Variants in EPB41L2 observed in about 807,000 individuals in gnomAD.
The protein encoded by EPB41L2 is erythrocyte membrane protein band 4.1 like 2.
Under a neutral mutation model 113.0 loss-of-function variants are expected in EPB41L2, and 43 were observed. That is an observed-to-expected ratio of 0.38 (90% CI 0.30 to 0.49). The LOEUF is 0.49. Among genes scored for constraint, EPB41L2 ranks in the 20% least tolerant of loss-of-function variants. EPB41L2 has a pLI of 0.95. For missense variants in EPB41L2, 1,147 were observed against 1,223.4 expected (o/e 0.94, Z 0.93); for synonymous variants, 442 against 436.7 (o/e 1.01, Z -0.15).
intron 3 of EPB41L2, among the ~76,000 whole-genome samples, chr6:130,954,259 T>TA: frequency 6.6e-6 from 1 of 151,830 alleles, no homozygotes; most frequent in Admixed American, 6.6e-5. Flanking sequence ...TTCACCATGT[T>TA]AGCCAGGATG....
At position 130,870,213 on chromosome 6, in the gene EPB41L2, A is replaced by G; in HGVS notation, c.2044-87T>C. 7 of 1,531,110 alleles carry G rather than the reference A, an allele frequency of 4.6e-6. 1 individual carries two copies. In the South Asian group the frequency reaches 4.8e-5, roughly 11 times the overall value. 94.8% of individuals were successfully genotyped at this position (1,531,110 alleles called of 1,614,324 possible). On this transcript the variant is annotated intron_variant, in intron 14 of 19. Coordinates refer to ENST00000337057, the MANE Select transcript of EPB41L2 (RefSeq NM_001431.4). The stretch of plus-strand genomic sequence containing the variant: ...ACCCAAATTAACCGATGGCAGATTC[A>G]TGTCATGGAGAAAAACAAAGATGAT...
chr6:130,921,572 C>T (rs968691433), intron 4 of EPB41L2, among the ~76,000 whole-genome samples: 9 of 152,172 alleles, frequency 5.9e-5, no homozygotes, highest in South Asian at 4.1e-4. Context: ...CATGCTGGAA[C>T]GATTACTTTT....
At chr6:130,986,439 G>GA (rs199890054) in intron 1 of EPB41L2, among the ~76,000 whole-genome samples, 2,679 of 145,418 alleles carry the variant, frequency 0.018, 26 homozygotes, top group African/African-American at 0.028. Flanking sequence ...ATTTAAAAAA[G>GA]AAAAAAAAAA....
At chr6:130,944,368 T>C (rs567730005) in intron 3 of EPB41L2, among the ~76,000 whole-genome samples, 9 of 152,302 alleles carry the variant, frequency 5.9e-5, no homozygotes, top group Non-Finnish European at 1.3e-4. Flanking sequence ...ATGAGAAGTA[T>C]TTTAGGCAAA....
Position 130,916,230 on chromosome 6 carries a change from G to C in EPB41L2, c.811-7367C>G, listed in dbSNP as rs187022948. On this transcript the variant is annotated intron_variant, in intron 4 of 19. Coordinates refer to ENST00000337057, the MANE Select transcript of EPB41L2 (RefSeq NM_001431.4). ...AAACTAAGCAGCACAGTGAATAGCT[G>C]TACTTATATGTATTTTACACTAAAA... Among the ~76,000 whole-genome samples, 335 of 152,186 alleles carry C rather than the reference G, an allele frequency of 2.2e-3. 1 individual carries two copies. Among genetic ancestry groups the C allele is most frequent in the Non-Finnish European group, 3.9e-3 (266 of 67,998 alleles).
chr6:131,006,739 T>C (rs1785644600), intron 1 of EPB41L2, among the ~76,000 whole-genome samples: 2 of 152,016 alleles, frequency 1.3e-5, no homozygotes, highest in South Asian at 2.1e-4. Flanking sequence ...ATGCTGGTCA[T>C]GACTCTCTAA....
chr6:130,994,236 G>A (rs1456025455), intron 1 of EPB41L2, among the ~76,000 whole-genome samples: 1 of 152,134 alleles, frequency 6.6e-6, no homozygotes, highest in Non-Finnish European at 1.5e-5. Flanking sequence ...GAGCTGTAAC[G>A]TAGTGCATGA....
chr6:130,979,185 C>T (rs1385361417), intron 1 of EPB41L2, among the ~76,000 whole-genome samples: 1 of 152,056 alleles, frequency 6.6e-6, no homozygotes, highest in Non-Finnish European at 1.5e-5. Context: ...CCAACTGACA[C>T]AATGAAAGGA....
intron 15 of EPB41L2, chr6:130,868,116 G>C (rs1053632558): frequency 6.4e-6 from 1 of 157,288 alleles, no homozygotes; most frequent in African/African-American, 2.4e-5. Context: ...TAGTTTGTGT[G>C]AAGGCTCACT....
At chr6:131,058,175 T>A (rs2128207019) in intron 1 of EPB41L2, among the ~76,000 whole-genome samples, 1 of 149,710 alleles carries the variant, frequency 6.7e-6, no homozygotes, top group East Asian at 2.0e-4. Flanking sequence ...TAACTGAGAA[T>A]ATGAAATTAG....
chr6:131,052,316 A>G (rs896379303), intron 1 of EPB41L2, among the ~76,000 whole-genome samples: 1 of 152,200 alleles, frequency 6.6e-6, no homozygotes, highest in South Asian at 2.1e-4. Context: ...CTTTTTGTCA[A>G]TGAACCAAGA....
intron 5 of EPB41L2, among the ~76,000 whole-genome samples, chr6:130,904,943 T>C (rs1797299369): frequency 6.6e-6 from 1 of 151,856 alleles, no homozygotes; most frequent in African/African-American, 2.4e-5. Flanking sequence ...AATTCAGGAT[T>C]TTCTACATTG....
At chr6:130,995,754 G>A (rs1359582641) in intron 1 of EPB41L2, among the ~76,000 whole-genome samples, 1 of 152,140 alleles carries the variant, frequency 6.6e-6, no homozygotes, top group Non-Finnish European at 1.5e-5. Flanking sequence ...CCTTTGTCAT[G>A]ATCTGCCTGA....
At chr6:131,058,452 A>G (rs1400397592) in intron 1 of EPB41L2, among the ~76,000 whole-genome samples, 5 of 152,204 alleles carry the variant, frequency 3.3e-5, no homozygotes, top group Non-Finnish European at 1.5e-5. Flanking sequence ...GAGAAACAAT[A>G]TCAGTGGTTA....
intron 1 of EPB41L2, chr6:131,015,155 CAA>C (rs967784494): frequency 1.3e-5 from 2 of 152,116 alleles, no homozygotes; most frequent in Non-Finnish European, 2.9e-5. Context: ...AACAGAATAT[CAA>C]AGAGATTTCA....
At chr6:131,062,694 G>GC (rs1019905687) in intron 1 of EPB41L2, 4 of 151,770 alleles carry the variant, frequency 2.6e-5, no homozygotes, top group Admixed American at 1.3e-4. Context: ...CCCCCTCCCC[G>GC]CGGGGGGGAT....
intron 8 of EPB41L2, among the ~76,000 whole-genome samples, chr6:130,896,844 A>G (rs1794819094): frequency 6.6e-6 from 1 of 152,164 alleles, no homozygotes; most frequent in Admixed American, 6.5e-5. Context: ...CAATGCATGG[A>G]GATGGCTGGC....
rs982018628 is a variant in EPB41L2 at position 130,955,164 on chromosome 6, T to G, written c.646A>C (p.Lys216Gln). Residue 216 changes from lysine (K) to glutamine (Q), a missense_variant, in exon 3 of 20, where the codon AAA becomes CAA. Transcript: ENST00000337057. ...AGGGTCACTTTACACTGGACAGTTT[T>G]GGTCTTCTTGGTGACTTTTTGAGAT... ...KASQKVTKKT[K>Q]TVQCKVTLLD... 2 of 1,614,098 alleles carry G rather than the reference T, an allele frequency of 1.2e-6. No individual in the cohort carries two copies. The highest frequency in any genetic ancestry group is 1.7e-6 in the Non-Finnish European group (2 of 1,180,032).
At chr6:130,961,928 C>T (rs1773670329) in intron 1 of EPB41L2, among the ~76,000 whole-genome samples, 1 of 152,172 alleles carries the variant, frequency 6.6e-6, no homozygotes, top group Non-Finnish European at 1.5e-5. Context: ...AACTTTGCAA[C>T]AAATAACCAT....
Sources: gnomAD v4.1 joint callset for allele counts (sites outside exome capture counted in the v4.1 genomes callset) on GRCh38, gnomAD v4.1.1 for gene constraint, MANE v1.5 for transcripts, NCBI Gene and HGNC (gene_info 2026-07-23, HGNC 2026-07-21) for gene names.